Variants in PRMT8 observed in about 807,000 individuals in gnomAD.
The protein encoded by PRMT8 is protein arginine N-methyltransferase 8.
PRMT8 carries 7 observed loss-of-function variants against 47.1 expected under a neutral mutation model. That is an observed-to-expected ratio of 0.15 (90% confidence interval 0.08 to 0.28). The LOEUF (loss-of-function observed/expected upper bound fraction) is 0.28, where lower values mean the gene tolerates loss of function less well. Ranked by LOEUF, PRMT8 falls within the 10% of genes least tolerant of loss-of-function variation. The probability of loss-of-function intolerance (pLI) is 1.00; values close to 1 mark genes in which losing one functional copy is unlikely to be tolerated. For synonymous variants in PRMT8, 188 were observed against 186.5 expected, an observed-to-expected ratio of 1.01 and a Z score of -0.07; for missense variants, 237 against 505.4, an observed-to-expected ratio of 0.47 and a Z score of 5.09.
intron 8 of PRMT8, among the ~76,000 whole-genome samples, chr12:3,589,536 GC>G (rs1184242038): frequency 6.6e-6 from 1 of 152,020 alleles, no homozygotes; most frequent in Admixed American, 6.6e-5. Flanking sequence ...GCCCCTCCAC[GC>G]CCCCCAGAAT....
At chr12:3,440,743 C>G (rs1379557004) in intron 1 of PRMT8, among the ~76,000 whole-genome samples, 2 of 152,074 alleles carry the variant, frequency 1.3e-5, no homozygotes, top group East Asian at 3.9e-4. Context: ...CTAAAGATTC[C>G]TGCAAAGAAA....
At chr12:3,511,785 C>A (rs1005691797) in intron 1 of PRMT8, among the ~76,000 whole-genome samples, 3 of 152,110 alleles carry the variant, frequency 2.0e-5, no homozygotes, top group Non-Finnish European at 4.4e-5. Context: ...AGGATCTAGA[C>A]TGTTCTGAAT....
intron 1 of PRMT8, among the ~76,000 whole-genome samples, chr12:3,437,882 G>C (rs1035406862): frequency 5.9e-5 from 9 of 152,134 alleles, no homozygotes; most frequent in Non-Finnish European, 1.3e-4. Flanking sequence ...TCTAACGCAG[G>C]GCCTGACACA....
rs953649540 is a variant in PRMT8 at position 3,493,368 on chromosome 12, G to A, written c.75+1668G>A. On this transcript the variant is annotated intron_variant, in intron 1 of 9. Transcript: ENST00000382622. The surrounding 1 kb of genome is among the most constrained non-coding windows in gnomAD (Gnocchi z 8.2). Reference sequence around the variant, plus strand: ...AAAGGGTTTCTAAAAATAGCCCAGGGCTTCAAGGCCGCGCTTCTGTGAAGT... The same window carrying A: ...AAAGGGTTTCTAAAAATAGCCCAGGACTTCAAGGCCGCGCTTCTGTGAAGT... Among the ~76,000 whole-genome samples the A allele has an allele frequency of 6.6e-6, 1 of 152,212 alleles. No homozygotes were observed. Among genetic ancestry groups the A allele is most frequent in the Non-Finnish European group, 1.5e-5 (1 of 68,044 alleles).
At chr12:3,397,524 G>T (rs537637928) in intron 1 of PRMT8, among the ~76,000 whole-genome samples, 6 of 150,996 alleles carry the variant, frequency 4.0e-5, no homozygotes, top group Non-Finnish European at 8.8e-5. Context: ...AGGCTGCTCG[G>T]GGGTCAGGGG....
chr12:3,461,707 GCCA>G lies in PRMT8; in HGVS notation c.49-78898_49-78896del, dbSNP rs1306418320. 3.5e-3 allele frequency among the ~76,000 whole-genome samples: 529 copies of G among 151,888 alleles called. 3 individuals are homozygous for G. Among genetic ancestry groups the G allele is most frequent in the African/African-American group, 0.012 (504 of 41,168 alleles). ...CCAAGCTTCAGACAGAGAAGCAGGG[GCCA>G]TTCGTTTATTTACTCTGCTCAGTGT... On this transcript the variant is annotated intron_variant, in intron 1 of 9. Transcript: ENST00000452611.
rs1247277070 is a variant in PRMT8, at chr12:3,461,833, C to T, written c.49-78773C>T. On this transcript the variant is annotated intron_variant, in intron 1 of 9. Transcript: ENST00000452611. Reference sequence around the variant, plus strand: ...GCCTGAAAGACTCTGTCCCAGATACCCTTGGCTGTGAGCTTCCTACAGCCT... The same window carrying T: ...GCCTGAAAGACTCTGTCCCAGATACTCTTGGCTGTGAGCTTCCTACAGCCT... 2.6e-5 allele frequency among the ~76,000 whole-genome samples: 4 copies of T among 152,046 alleles called. No homozygotes were observed. In the East Asian group the frequency reaches 7.7e-4, roughly 29 times the overall value.
chr12:3,417,762 G>A (rs1864498404), intron 1 of PRMT8, among the ~76,000 whole-genome samples: 1 of 152,170 alleles, frequency 6.6e-6, no homozygotes, highest in African/African-American at 2.4e-5. Context: ...CATTATTGAA[G>A]GGACTTTGAA....
chr12:3,468,351 T>G (rs1865124573), intron 1 of PRMT8, among the ~76,000 whole-genome samples: 1 of 152,236 alleles, frequency 6.6e-6, no homozygotes, highest in Admixed American at 6.5e-5. Flanking sequence ...TTGATAGTTC[T>G]GCGATGTGCA....
intron 2 of PRMT8, among the ~76,000 whole-genome samples, chr12:3,541,282 T>C (rs1866225613): frequency 6.6e-6 from 1 of 152,214 alleles, no homozygotes; most frequent in South Asian, 2.1e-4. Context: ...GACACCCTGA[T>C]TGATTGTCTG....
At chr12:3,411,498 A>G (rs1222614074) in intron 1 of PRMT8, among the ~76,000 whole-genome samples, 7 of 152,202 alleles carry the variant, frequency 4.6e-5, no homozygotes, top group African/African-American at 1.7e-4. Context: ...ACAATACAAA[A>G]TTCTTCATGG....
chr12:3,461,424 C>T (rs745691581), intron 1 of PRMT8, among the ~76,000 whole-genome samples: 3 of 152,226 alleles, frequency 2.0e-5, no homozygotes, highest in Non-Finnish European at 2.9e-5. Flanking sequence ...TGATGTCCCT[C>T]TCCCTGCTGT....
chr12:3,402,790 A>G (rs1864331104), intron 1 of PRMT8, among the ~76,000 whole-genome samples: 1 of 152,208 alleles, frequency 6.6e-6, no homozygotes, highest in Non-Finnish European at 1.5e-5. Flanking sequence ...GCCAGTCAGA[A>G]CAGCTCTTAT....
chr12:3,561,098 T>G (rs1053495158), intron 4 of PRMT8, among the ~76,000 whole-genome samples: 2 of 152,230 alleles, frequency 1.3e-5, no homozygotes, highest in African/African-American at 2.4e-5. Flanking sequence ...CTGGTGGGGA[T>G]TCCACAAGTG....
chr12:3,470,734 G>A (rs1015277877), intron 1 of PRMT8, among the ~76,000 whole-genome samples: 3 of 152,142 alleles, frequency 2.0e-5, no homozygotes, highest in South Asian at 2.1e-4. Context: ...GGACAGAACC[G>A]GGGCCTGCTT....
At chr12:3,577,304 G>A (rs540225369) in intron 7 of PRMT8, among the ~76,000 whole-genome samples, 1 of 152,330 alleles carries the variant, frequency 6.6e-6, no homozygotes, top group East Asian at 1.9e-4. Flanking sequence ...AGCGTGCTCA[G>A]GTTTGGGGCA....
chr12:3,471,405 G>A lies in PRMT8; in HGVS notation c.49-69201G>A, dbSNP rs1316387531. Among the ~76,000 whole-genome samples the A allele has an allele frequency of 2.6e-5, 4 of 152,126 alleles. No individual in the cohort carries two copies. The East Asian group carries it at 7.8e-4, about 29-fold the overall frequency. Reference sequence around the variant, plus strand: ...TGTCAGCAATGGGGATTTATGGTAAGGATATTTCTGGAAATCAAAAGGCCA... The same window carrying A: ...TGTCAGCAATGGGGATTTATGGTAAAGATATTTCTGGAAATCAAAAGGCCA... On this transcript the variant is annotated intron_variant, in intron 1 of 9. Transcript: ENST00000452611.
intron 1 of PRMT8, among the ~76,000 whole-genome samples, chr12:3,398,710 G>C (rs990543942): frequency 4.6e-5 from 7 of 152,168 alleles, no homozygotes; most frequent in African/African-American, 1.7e-4. Flanking sequence ...GGAGGAGACT[G>C]GTAGAGTCAA....
chr12:3,491,501 G>T lies in PRMT8; in HGVS notation c.-125G>T. 1 of 1,443,350 alleles carries T rather than the reference G, an allele frequency of 6.9e-7. No homozygotes were observed. Among genetic ancestry groups the T allele is most frequent in the South Asian group, 1.5e-5 (1 of 67,544 alleles). The allele number at this position is 1,443,350 out of a possible 1,614,324, so 89.4% of individuals were successfully genotyped here. A position where few individuals can be genotyped will look rare whatever the true frequency, so the allele number is the denominator to read the frequency against. On this transcript the variant is annotated 5_prime_UTR_variant, in exon 1 of 10. Coordinates refer to ENST00000382622, the MANE Select transcript of PRMT8 (RefSeq NM_019854.5). ...GCTGTGGCTGACTGTGCCGGCCGAC[G>T]CTCCAGCTGAGGGGCTGGGTTGGAT...
Sources: gnomAD v4.1 joint callset for allele counts (sites outside exome capture counted in the v4.1 genomes callset) on GRCh38, gnomAD v4.1.1 for gene constraint, Gnocchi (gnomAD v3.1) non-coding constraint, MANE v1.5 for transcripts, NCBI Gene and HGNC (gene_info 2026-07-23, HGNC 2026-07-21) for gene names.